PDE10A: variants seen among roughly 807,000 people sequenced by gnomAD.
PDE10A encodes cAMP and cAMP-inhibited cGMP 3',5'-cyclic phosphodiesterase 10A.
A neutral mutation model predicts 97.7 loss-of-function variants in PDE10A; 39 were observed. That is an observed-to-expected ratio of 0.40 (90% confidence interval 0.31 to 0.52). The LOEUF (loss-of-function observed/expected upper bound fraction) is 0.52, where lower values mean the gene tolerates loss of function less well. Among genes scored for constraint, PDE10A ranks in the 20% least tolerant of loss-of-function variants. PDE10A has a pLI of 0.56. For missense variants in PDE10A, 731 were observed against 1,047.8 expected (o/e 0.70, Z 4.17); for synonymous variants, 371 against 376.8 (o/e 0.98, Z 0.18).
chr6:165,783,404 G>A (rs559152342), intron 1 of PDE10A, among the ~76,000 whole-genome samples: 13 of 152,278 alleles, frequency 8.5e-5, no homozygotes, highest in East Asian at 1.9e-4. Context: ...AAGGTGGCAT[G>A]TTTTTACCCA....
At chr6:165,731,724 T>C (rs1055505096) in intron 1 of PDE10A, among the ~76,000 whole-genome samples, 1 of 152,196 alleles carries the variant, frequency 6.6e-6, no homozygotes, top group African/African-American at 2.4e-5. Context: ...ATTAAAACAC[T>C]TGGACTGATG....
intron 1 of PDE10A, among the ~76,000 whole-genome samples, chr6:165,937,519 T>C (rs1783374105): frequency 6.6e-6 from 1 of 152,232 alleles, no homozygotes; most frequent in Non-Finnish European, 1.5e-5. Context: ...CTTTCTTATT[T>C]TTATATCACT....
intron 3 of PDE10A, among the ~76,000 whole-genome samples, chr6:165,466,112 T>C (rs182559011): frequency 6.6e-6 from 1 of 152,300 alleles, no homozygotes; most frequent in East Asian, 1.9e-4. Context: ...AAACACATCA[T>C]TAGCTCAGTT....
At chr6:165,577,499 T>C (rs1785371402) in intron 1 of PDE10A, among the ~76,000 whole-genome samples, 1 of 152,260 alleles carries the variant, frequency 6.6e-6, no homozygotes, top group South Asian at 2.1e-4. Context: ...GAATGGGCTA[T>C]AAAGGCCCCA....
chr6:165,686,130 G>GACACACACACAC (rs57547290), intron 1 of PDE10A, among the ~76,000 whole-genome samples: 208 of 145,406 alleles, frequency 1.4e-3, no homozygotes, highest in African/African-American at 5.1e-3. Context: ...AATGTGCATG[G>GACACACACACAC]ACACACACAC....
At chr6:165,846,969 G>A (rs1241544113) in intron 1 of PDE10A, among the ~76,000 whole-genome samples, 3 of 152,160 alleles carry the variant, frequency 2.0e-5, no homozygotes, top group Admixed American at 6.5e-5. Flanking sequence ...GGAAAATACC[G>A]CGGCAGAAAT....
chr6:165,904,739 C>A (rs551524351), intron 1 of PDE10A, among the ~76,000 whole-genome samples: 2 of 152,286 alleles, frequency 1.3e-5, no homozygotes, highest in South Asian at 4.1e-4. Context: ...CCATTAATTT[C>A]ATTTACTGTT....
At chr6:165,649,728 C>A (rs1392518838) in intron 1 of PDE10A, among the ~76,000 whole-genome samples, 1 of 152,178 alleles carries the variant, frequency 6.6e-6, no homozygotes, top group African/African-American at 2.4e-5. Flanking sequence ...TTAGTGGTGT[C>A]ATTAAATGTC....
At chr6:165,739,982 A>G (rs768729412) in intron 1 of PDE10A, among the ~76,000 whole-genome samples, 13 of 152,350 alleles carry the variant, frequency 8.5e-5, no homozygotes, top group Non-Finnish European at 1.8e-4. Flanking sequence ...GGATGTGGGA[A>G]AAGGGAACCC....
intron 1 of PDE10A, among the ~76,000 whole-genome samples, chr6:165,688,834 A>G (rs1469916784): frequency 6.6e-6 from 1 of 152,164 alleles, no homozygotes; most frequent in East Asian, 1.9e-4. Flanking sequence ...CTGTGACTGT[A>G]TGAGTGTGTG....
At chr6:165,691,100 T>TCC (rs1791265409) in intron 1 of PDE10A, among the ~76,000 whole-genome samples, 1 of 37,096 alleles carries the variant, frequency 2.7e-5, no homozygotes, top group Non-Finnish European at 6.6e-5. Flanking sequence ...TCTCTCTCTT[T>TCC]CTCTCTCCCC....
intron 1 of PDE10A, among the ~76,000 whole-genome samples, chr6:165,556,888 T>G (rs1784282525): frequency 6.6e-6 from 1 of 152,102 alleles, no homozygotes; most frequent in Non-Finnish European, 1.5e-5. Context: ...GCCTGTTATC[T>G]CAGCACTTTG....
rs1426131205 is a variant in PDE10A, at chr6:165,388,996, T to C, written c.2455-543A>G. 6.6e-6 allele frequency among the ~76,000 whole-genome samples: 1 copy of C among 151,972 alleles called. No individual in the cohort carries two copies. The highest frequency in any genetic ancestry group is 1.5e-5 in the Non-Finnish European group (1 of 67,986). ...AAATAAACTAGGCAGGCACACCTCA[T>C]GAAAAGGCCAGGTGTGAGCAAAGAC... is the stretch of plus-strand genomic sequence containing the variant. On this transcript the variant is annotated intron_variant, in intron 16 of 21. Coordinates refer to ENST00000539869, the MANE Select transcript of PDE10A (RefSeq NM_001385079.1). This position sits in a 1 kb window ranked among gnomAD's most constrained non-coding sequence, Gnocchi z 4.0.
chr6:165,826,124 A>C (rs1403651299), intron 1 of PDE10A, among the ~76,000 whole-genome samples: 1 of 152,150 alleles, frequency 6.6e-6, no homozygotes, highest in Non-Finnish European at 1.5e-5. Context: ...TTTTCTCCTA[A>C]CCTTGTCTGT....
intron 1 of PDE10A, among the ~76,000 whole-genome samples, chr6:165,620,208 C>T (rs73786677): frequency 0.19 from 29,562 of 152,076 alleles, 4,356 homozygotes; most frequent in African/African-American, 0.42. Context: ...TACCCAGAAC[C>T]AGTCTATATG....
rs373847234 is a variant in PDE10A, at chr6:165,911,250, G to C, written c.-615+76279C>G. On this transcript the variant is annotated intron_variant, in intron 1 of 19. Transcript: ENST00000366882. Reference sequence around the variant, plus strand: ...AAACTCTTCTCCAAAATAATGCTTTGTATTAATACTAGTAATGGAGAACAT... The same window carrying C: ...AAACTCTTCTCCAAAATAATGCTTTCTATTAATACTAGTAATGGAGAACAT... Among the ~76,000 whole-genome samples the C allele has an allele frequency of 3.3e-5, 5 of 152,240 alleles. No individual in the cohort carries two copies. In the South Asian group the frequency reaches 1.0e-3, roughly 32 times the overall value.
chr6:165,483,042 C>T (rs1000366537), intron 2 of PDE10A, among the ~76,000 whole-genome samples: 1 of 152,212 alleles, frequency 6.6e-6, no homozygotes, highest in African/African-American at 2.4e-5. Flanking sequence ...CAGATACCTC[C>T]TCTTGGTCCA....
intron 3 of PDE10A, among the ~76,000 whole-genome samples, chr6:165,454,741 G>A (rs181430762): frequency 6.6e-6 from 1 of 152,254 alleles, no homozygotes; most frequent in East Asian, 1.9e-4. Flanking sequence ...CTAGTCTGTA[G>A]TATTCCGGTA....
chr6:165,891,443 C>G (rs1781792327), intron 1 of PDE10A, among the ~76,000 whole-genome samples: 2 of 152,088 alleles, frequency 1.3e-5, no homozygotes, highest in African/African-American at 4.8e-5. Context: ...GTCAGATCTC[C>G]CAGCCTCCCA....
Sources: allele counts gnomAD v4.1 joint callset (sites outside exome capture counted in the v4.1 genomes callset), GRCh38; gene constraint gnomAD v4.1.1; non-coding constraint Gnocchi (gnomAD v3.1); transcripts MANE v1.5; gene names NCBI Gene and HGNC (gene_info 2026-07-23, HGNC 2026-07-21).